INSM1: variants seen among roughly 807,000 people sequenced by gnomAD.
INSM1 encodes insulinoma-associated protein 1.
In INSM1, 11 loss-of-function variants were observed where a neutral mutation model predicts 21.1. That is an observed-to-expected ratio of 0.52 (90% confidence interval 0.33 to 0.86). The LOEUF (loss-of-function observed/expected upper bound fraction) is 0.86, where lower values mean the gene tolerates loss of function less well. Ranked by LOEUF, INSM1 falls within the 40% of genes least tolerant of loss-of-function variation. The probability of loss-of-function intolerance (pLI) is 0.03; values close to 1 mark genes in which losing one functional copy is unlikely to be tolerated. For missense variants in INSM1, 843 were observed against 760.1 expected (o/e 1.11, Z -1.28); for synonymous variants, 473 against 386.1 (o/e 1.23, Z -2.64).
Position 20,369,027 on chromosome 20 carries a change from C to T in INSM1, c.760C>T (p.Arg254Trp), listed in dbSNP as rs747790767. 5 of 1,526,910 alleles carry T rather than the reference C, an allele frequency of 3.3e-6. No homozygotes were observed. The highest frequency in any genetic ancestry group is 1.2e-5 in the South Asian group (1 of 81,080). 94.6% of individuals were successfully genotyped at this position (1,526,910 alleles called of 1,614,324 possible). ...CAAGGAGGGCCCGGTGGAGGCGCCG[C>T]GGGGCCGCGCGGGGGGCGCGGCGCG... ...KIKEGPVEAP[R>W]GRAGGAARPL... is the part of the protein sequence containing the mutation. The change falls in exon 1 of 1, where the codon CGG becomes TGG. Residue 254 changes from arginine (R) to tryptophan (W), a missense_variant. Transcript: ENST00000310227. This position sits in a 1 kb window ranked among gnomAD's most constrained non-coding sequence, Gnocchi z 5.6.
In INSM1 at chr20:20,369,241, C is replaced by A; in HGVS notation, c.974C>A (p.Ala325Asp). ...RWHKPRPAPA[A>D]ARAPEPEAAA... ...CACAAACCGCGGCCCGCGCCCGCCGCCGCCCGCGCGCCGGAGCCAGAAGCA... is the reference window on the plus strand; with the variant it reads ...CACAAACCGCGGCCCGCGCCCGCCGACGCCCGCGCGCCGGAGCCAGAAGCA... Residue 325 changes from alanine (A) to aspartate (D), a missense_variant, in exon 1 of 1, where the codon GCC becomes GAC. Coordinates refer to ENST00000310227, the MANE Select transcript of INSM1 (RefSeq NM_002196.3). This position sits in a 1 kb window ranked among gnomAD's most constrained non-coding sequence, Gnocchi z 5.6. The A allele has an allele frequency of 6.9e-7, 1 of 1,446,804 alleles. No individual in the cohort carries two copies. The highest frequency in any genetic ancestry group is 9.0e-7 in the Non-Finnish European group (1 of 1,107,952). 89.6% of individuals were successfully genotyped at this position (1,446,804 alleles called of 1,614,324 possible). A position where few individuals can be genotyped will look rare whatever the true frequency, so the allele number is the denominator to read the frequency against.
In INSM1 at chr20:20,369,934, T is replaced by C; in HGVS notation, c.*134T>C. 2.8e-6 allele frequency: 2 copies of C among 708,666 alleles called. No individual in the cohort carries two copies. Among genetic ancestry groups the C allele is most frequent in the Non-Finnish European group, 4.6e-6 (2 of 434,716 alleles). 43.9% of individuals were successfully genotyped at this position (708,666 alleles called of 1,614,324 possible). A position where few individuals can be genotyped will look rare whatever the true frequency, so the allele number is the denominator to read the frequency against. On this transcript the variant is annotated 3_prime_UTR_variant, in exon 1 of 1. Coordinates refer to ENST00000310227, the MANE Select transcript of INSM1 (RefSeq NM_002196.3). This position sits in a 1 kb window ranked among gnomAD's most constrained non-coding sequence, Gnocchi z 5.6. ...CCGCCCCCACCGGGTGAAAGTGTCG[T>C]CTCCGCTTCTCTCGGTGTGGCGTGA...
chr20:20,368,870 GC>G lies in INSM1; in HGVS notation c.608del (p.Pro203ArgfsTer33). The G allele has an allele frequency of 1.4e-6, 2 of 1,419,722 alleles. No homozygotes were observed. The highest frequency in any genetic ancestry group is 1.8e-6 in the Non-Finnish European group (2 of 1,087,706). 87.9% of individuals were successfully genotyped at this position (1,419,722 alleles called of 1,614,324 possible). On this transcript the variant is annotated frameshift_variant, in exon 1 of 1. Coordinates refer to ENST00000310227, the MANE Select transcript of INSM1 (RefSeq NM_002196.3). LOFTEE classifies it high-confidence loss of function. The surrounding 1 kb of genome is among the most constrained non-coding windows in gnomAD (Gnocchi z 4.3). ...AAALRPPGKR[P>X]PPPTAAEPPA... ...CCGCCCTGCGGCCCCCGGGAAAGCG[GC>G]CCCCGCCCCCTACCGCCGCGGAGCC...
At position 20,369,289 on chromosome 20, in the gene INSM1, A is replaced by T; in HGVS notation, c.1022A>T (p.Glu341Val). ...PEAAARAEAR[E>V]APGGGSDRDT... Reference sequence around the variant, plus strand: ...GCAGCAGCCAGGGCTGAGGCGCGGGAGGCACCCGGCGGCGGCAGCGACCGG... The same window carrying T: ...GCAGCAGCCAGGGCTGAGGCGCGGGTGGCACCCGGCGGCGGCAGCGACCGG... Residue 341 changes from glutamate (E) to valine (V), a missense_variant, in exon 1 of 1, where the codon GAG becomes GTG. Transcript: ENST00000310227. This position sits in a 1 kb window ranked among gnomAD's most constrained non-coding sequence, Gnocchi z 5.6. 7.3e-7 allele frequency: 1 copy of T among 1,373,780 alleles called. No individual in the cohort carries two copies. Among genetic ancestry groups the T allele is most frequent in the Non-Finnish European group, 9.3e-7 (1 of 1,076,506 alleles). 85.1% of individuals were successfully genotyped at this position (1,373,780 alleles called of 1,614,324 possible). A position where few individuals can be genotyped will look rare whatever the true frequency, so the allele number is the denominator to read the frequency against.
chr20:20,368,924 C>T lies in INSM1; in HGVS notation c.657C>T (p.Gly219=), dbSNP rs1212474573. The T allele has an allele frequency of 7.2e-6, 11 of 1,521,044 alleles. No homozygotes were observed. The highest frequency in any genetic ancestry group is 3.7e-5 in the South Asian group (3 of 80,936). The allele number at this position is 1,521,044 out of a possible 1,614,324, so 94.2% of individuals were successfully genotyped here. Residue 219 remains glycine (G), a synonymous_variant, in exon 1 of 1, where the codon GGC becomes GGT. Coordinates refer to ENST00000310227, the MANE Select transcript of INSM1 (RefSeq NM_002196.3). This position sits in a 1 kb window ranked among gnomAD's most constrained non-coding sequence, Gnocchi z 4.3. ...CCGCCAAGGCAGTCAAGGCCCCGGG[C>T]GCCAAGAAGCCCAAGGCCATCCGCA... The part of the protein sequence containing the change: ...EPPAKAVKAP[G]AKKPKAIRKL...
Position 20,369,696 on chromosome 20 carries a change from A to G in INSM1, c.1429A>G (p.Thr477Ala), listed in dbSNP as rs761725201. 1 of 1,600,844 alleles carries G rather than the reference A, an allele frequency of 6.2e-7. No homozygotes were observed. The highest frequency in any genetic ancestry group is 1.1e-5 in the South Asian group (1 of 91,070). The part of the protein sequence containing the change: ...QVFPCKYCPA[T>A]FYSSPGLTRH... ...GTTCCCCTGCAAGTACTGCCCGGCC[A>G]CCTTCTACAGCTCGCCCGGCCTTAC... The change falls in exon 1 of 1, where the codon ACC (threonine) becomes GCC (alanine). Residue 477 changes from threonine to alanine, a missense_variant. Physicochemically the swap from Thr to Ala is moderately conservative, Grantham distance 58 (BLOSUM62 0). Transcript: ENST00000310227. This position sits in a 1 kb window ranked among gnomAD's most constrained non-coding sequence, Gnocchi z 5.6.
In INSM1 at chr20:20,368,549, G is replaced by A; in HGVS notation, c.282G>A (p.Ala94=). ...RAAHFGNPEA[A]HPAPLYSPTR... ...CGCACTTCGGCAACCCCGAGGCTGC[G>A]CACCCCGCGCCGCTCTACAGTCCCA... is the stretch of plus-strand genomic sequence containing the variant. Residue 94 remains alanine, a synonymous_variant, in exon 1 of 1, where the codon GCG becomes GCA. Transcript: ENST00000310227. The surrounding 1 kb of genome is among the most constrained non-coding windows in gnomAD (Gnocchi z 4.3). 7.2e-7 allele frequency: 1 copy of A among 1,385,554 alleles called. No individual in the cohort carries two copies. The highest frequency in any genetic ancestry group is 9.5e-7 in the Non-Finnish European group (1 of 1,050,756). 85.8% of individuals were successfully genotyped at this position (1,385,554 alleles called of 1,614,324 possible). A position where few individuals can be genotyped will look rare whatever the true frequency, so the allele number is the denominator to read the frequency against.
Position 20,368,677 on chromosome 20 carries a change from T to C in INSM1, c.410T>C (p.Leu137Pro), listed in dbSNP as rs1156549359. 1 of 1,363,528 alleles carries C rather than the reference T, an allele frequency of 7.3e-7. No homozygotes were observed. The highest frequency in any genetic ancestry group is 2.8e-5 in the Admixed American group (1 of 35,544). 84.5% of individuals were successfully genotyped at this position (1,363,528 alleles called of 1,614,324 possible). ...GAGTCCTTCCCCACGCCCGCCGCGC[T>C]GCTCGGAGGGGGCGGCGGCGGCGGC... ...SAESFPTPAA[L>P]LGGGGGGGAS... The change falls in exon 1 of 1, where the codon CTG becomes CCG. Residue 137 changes from leucine to proline, a missense_variant. Leu to Pro is a moderately conservative substitution (Grantham distance 98). Transcript: ENST00000310227. The surrounding 1 kb of genome is among the most constrained non-coding windows in gnomAD (Gnocchi z 4.3).
At position 20,369,294 on chromosome 20, in the gene INSM1, C is replaced by A; in HGVS notation, c.1027C>A (p.Pro343Thr). ...AGCCAGGGCTGAGGCGCGGGAGGCA[C>A]CCGGCGGCGGCAGCGACCGGGACAC... The part of the protein sequence containing the change: ...AAARAEAREA[P>T]GGGSDRDTPS... Residue 343 changes from proline (P) to threonine (T), a missense_variant, in exon 1 of 1, where the codon CCC becomes ACC. Transcript: ENST00000310227. The surrounding 1 kb of genome is among the most constrained non-coding windows in gnomAD (Gnocchi z 5.6). The A allele has an allele frequency of 7.3e-7, 1 of 1,371,472 alleles. No homozygotes were observed. The highest frequency in any genetic ancestry group is 1.8e-5 in the South Asian group (1 of 54,944). 85.0% of individuals were successfully genotyped at this position (1,371,472 alleles called of 1,614,324 possible).
Position 20,369,849 on chromosome 20 carries a change from C to G in INSM1, c.*49C>G. The G allele has an allele frequency of 6.6e-7, 1 of 1,518,762 alleles. No individual in the cohort carries two copies. 94.1% of individuals were successfully genotyped at this position (1,518,762 alleles called of 1,614,324 possible). A position where few individuals can be genotyped will look rare whatever the true frequency, so the allele number is the denominator to read the frequency against. On this transcript the variant is annotated 3_prime_UTR_variant, in exon 1 of 1. Coordinates refer to ENST00000310227, the MANE Select transcript of INSM1 (RefSeq NM_002196.3). This position sits in a 1 kb window ranked among gnomAD's most constrained non-coding sequence, Gnocchi z 5.6. ...CGAACTGTGCCTTCGCTTGGAGACCCACAAAGAGAGTGCGCCCTGCACTCC... is the reference window on the plus strand; with the variant it reads ...CGAACTGTGCCTTCGCTTGGAGACCGACAAAGAGAGTGCGCCCTGCACTCC...
chr20:20,369,667 A>G lies in INSM1; in HGVS notation c.1400A>G (p.Gln467Arg). The change falls in exon 1 of 1, where the codon CAG becomes CGG. Residue 467 changes from glutamine to arginine, a missense_variant. By Grantham distance (43) the Gln-to-Arg change is conservative (BLOSUM62 1). Coordinates refer to ENST00000310227, the MANE Select transcript of INSM1 (RefSeq NM_002196.3). This position sits in a 1 kb window ranked among gnomAD's most constrained non-coding sequence, Gnocchi z 5.6. ...ERHLRLLHAA[Q>R]VFPCKYCPAT... ...CACCTGCGCCTGCTGCACGCCGCCC[A>G]GGTGTTCCCCTGCAAGTACTGCCCG... is the stretch of plus-strand genomic sequence containing the variant. The G allele has an allele frequency of 1.9e-6, 3 of 1,600,710 alleles. No homozygotes were observed. The East Asian group carries it at 6.7e-5, about 36-fold the overall frequency.
chr20:20,369,488 A>T lies in INSM1; in HGVS notation c.1221A>T (p.Leu407=), dbSNP rs1212978628. 1 of 1,541,356 alleles carries T rather than the reference A, an allele frequency of 6.5e-7. No homozygotes were observed. The highest frequency in any genetic ancestry group is 2.4e-5 in the East Asian group (1 of 41,610). The change falls in exon 1 of 1, where the codon CTA becomes CTT. Residue 407 remains leucine (L), a synonymous_variant. Transcript: ENST00000310227. The surrounding 1 kb of genome is among the most constrained non-coding windows in gnomAD (Gnocchi z 5.6). ...GAPLAPPAED[L]LALYPGPDEK... is the part of the protein sequence containing the mutation. ...CGCTAGCGCCCCCGGCCGAGGACCT[A>T]CTGGCCTTGTACCCCGGGCCCGACG...
chr20:20,368,860 C>T lies in INSM1; in HGVS notation c.593C>T (p.Pro198Leu). ...CCCCCTGCCGCCGCCCTGCGGCCCC[C>T]GGGAAAGCGGCCCCCGCCCCCTACC... ...PLPPAAALRPPGKRPPPPTAA... is the reference protein window; with the variant it reads ...PLPPAAALRPLGKRPPPPTAA... The change falls in exon 1 of 1, where the codon CCG (proline) becomes CTG (leucine). Residue 198 changes from proline (P) to leucine (L), a missense_variant. Coordinates refer to ENST00000310227, the MANE Select transcript of INSM1 (RefSeq NM_002196.3). The surrounding 1 kb of genome is among the most constrained non-coding windows in gnomAD (Gnocchi z 4.3). 2.2e-6 allele frequency: 3 copies of T among 1,361,928 alleles called. No homozygotes were observed. Among genetic ancestry groups the T allele is most frequent in the Non-Finnish European group, 2.8e-6 (3 of 1,058,008 alleles). The allele number at this position is 1,361,928 out of a possible 1,614,324, so 84.4% of individuals were successfully genotyped here.
rs780014369 is a variant in INSM1, at chr20:20,369,398, C to T, written c.1131C>T (p.Arg377=). 6.4e-7 allele frequency: 1 copy of T among 1,553,574 alleles called. No individual in the cohort carries two copies. Among genetic ancestry groups the T allele is most frequent in the South Asian group, 1.2e-5 (1 of 85,320 alleles). The change falls in exon 1 of 1, where the codon CGC becomes CGT. Residue 377 remains arginine (R), a synonymous_variant. Coordinates refer to ENST00000310227, the MANE Select transcript of INSM1 (RefSeq NM_002196.3). The surrounding 1 kb of genome is among the most constrained non-coding windows in gnomAD (Gnocchi z 5.6). ...YECHHCAKKF[R]RQAYLRKHLL... Reference sequence around the variant, plus strand: ...GCCATCACTGCGCCAAGAAGTTCCGCCGCCAGGCCTACCTACGCAAGCACC... The same window carrying T: ...GCCATCACTGCGCCAAGAAGTTCCGTCGCCAGGCCTACCTACGCAAGCACC...
rs754798154 is a variant in INSM1 at position 20,369,402 on chromosome 20, C to G, written c.1135C>G (p.Gln379Glu). The change falls in exon 1 of 1, where the codon CAG becomes GAG. Residue 379 changes from glutamine to glutamate, a missense_variant. Coordinates refer to ENST00000310227, the MANE Select transcript of INSM1 (RefSeq NM_002196.3). This position sits in a 1 kb window ranked among gnomAD's most constrained non-coding sequence, Gnocchi z 5.6. The part of the protein sequence containing the change: ...CHHCAKKFRR[Q>E]AYLRKHLLAH... ...TCACTGCGCCAAGAAGTTCCGCCGC[C>G]AGGCCTACCTACGCAAGCACCTGCT... 7.1e-6 allele frequency: 11 copies of G among 1,554,364 alleles called. No homozygotes were observed. The South Asian group carries it at 1.3e-4, about 18-fold the overall frequency.
In INSM1 at chr20:20,368,744, G is replaced by C; in HGVS notation, c.477G>C (p.Pro159=). The C allele has an allele frequency of 1.7e-6, 2 of 1,166,956 alleles. No homozygotes were observed. Among genetic ancestry groups the C allele is most frequent in the African/African-American group, 1.6e-5 (1 of 61,166 alleles). The allele number at this position is 1,166,956 out of a possible 1,614,324, so 72.3% of individuals were successfully genotyped here. A position where few individuals can be genotyped will look rare whatever the true frequency, so the allele number is the denominator to read the frequency against. The part of the protein sequence containing the change: ...AGGGGTCGGD[P]LLFAPAELKM... ...GAGGCGGCACCTGCGGCGGCGACCC[G>C]CTGCTCTTCGCGCCCGCCGAGCTCA... The change falls in exon 1 of 1, where the codon CCG becomes CCC. Residue 159 remains proline, a synonymous_variant. Transcript: ENST00000310227. The surrounding 1 kb of genome is among the most constrained non-coding windows in gnomAD (Gnocchi z 4.3).
In INSM1 at chr20:20,368,919, C is replaced by A; in HGVS notation, c.652C>A (p.Pro218Thr). The A allele has an allele frequency of 1.3e-6, 2 of 1,518,378 alleles. No individual in the cohort carries two copies. The highest frequency in any genetic ancestry group is 1.8e-6 in the Non-Finnish European group (2 of 1,136,886). The allele number at this position is 1,518,378 out of a possible 1,614,324, so 94.1% of individuals were successfully genotyped here. A position where few individuals can be genotyped will look rare whatever the true frequency, so the allele number is the denominator to read the frequency against. ...GCCGCCCGCCAAGGCAGTCAAGGCC[C>A]CGGGCGCCAAGAAGCCCAAGGCCAT... ...AEPPAKAVKAPGAKKPKAIRK... is the reference protein window; with the variant it reads ...AEPPAKAVKATGAKKPKAIRK... The change falls in exon 1 of 1, where the codon CCG (proline) becomes ACG (threonine). Residue 218 changes from proline to threonine, a missense_variant. Transcript: ENST00000310227. The surrounding 1 kb of genome is among the most constrained non-coding windows in gnomAD (Gnocchi z 4.3).
Position 20,369,057 on chromosome 20 carries a change from C to A in INSM1, c.790C>A (p.Leu264Met), listed in dbSNP as rs750490137. 62 of 1,566,252 alleles carry A rather than the reference C, an allele frequency of 4.0e-5. No homozygotes were observed. Among genetic ancestry groups the A allele is most frequent in the Non-Finnish European group, 5.1e-5 (59 of 1,162,808 alleles). The change falls in exon 1 of 1, where the codon CTG (leucine) becomes ATG (methionine). Residue 264 changes from leucine to methionine, a missense_variant. Physicochemically the swap from Leu to Met is conservative, Grantham distance 15 (BLOSUM62 2). Transcript: ENST00000310227. The surrounding 1 kb of genome is among the most constrained non-coding windows in gnomAD (Gnocchi z 5.6). ...RGRAGGAARP[L>M]GEFICQLCKE... ...CCGCGCGGGGGGCGCGGCGCGGCCG[C>A]TGGGCGAGTTCATCTGCCAGCTGTG...
At position 20,369,939 on chromosome 20, in the gene INSM1, G is replaced by T; in HGVS notation, c.*139G>T. ...CCCACCGGGTGAAAGTGTCGTCTCC[G>T]CTTCTCTCGGTGTGGCGTGACGGTA... On this transcript the variant is annotated 3_prime_UTR_variant, in exon 1 of 1. Transcript: ENST00000310227. The surrounding 1 kb of genome is among the most constrained non-coding windows in gnomAD (Gnocchi z 5.6). 1.4e-6 allele frequency: 1 copy of T among 715,296 alleles called. No individual in the cohort carries two copies. The allele number at this position is 715,296 out of a possible 1,614,324, so 44.3% of individuals were successfully genotyped here. A position where few individuals can be genotyped will look rare whatever the true frequency, so the allele number is the denominator to read the frequency against.
Sources: allele counts gnomAD v4.1 joint callset, GRCh38; gene constraint gnomAD v4.1.1; non-coding constraint Gnocchi (gnomAD v3.1); transcripts MANE v1.5; gene names NCBI Gene and HGNC (gene_info 2026-07-23, HGNC 2026-07-21).